The following CDK6 variants were observed in gnomAD, a reference collection of about 807,000 sequenced individuals.
CDK6 encodes cyclin dependent kinase 6, also known as cyclin-dependent kinase 6.
A neutral mutation model predicts 37.1 loss-of-function variants in CDK6; 6 were observed. The observed-to-expected ratio is 0.16, with a 90% CI of 0.09 to 0.32. CDK6 has a LOEUF of 0.32. Among genes scored for constraint, CDK6 ranks in the 10% least tolerant of loss-of-function variants. The pLI is 1.00. For synonymous variants in CDK6, 160 were observed against 161.3 expected, an observed-to-expected ratio of 0.99 and a Z score of 0.06; for missense variants, 224 against 418.9, an observed-to-expected ratio of 0.53 and a Z score of 4.06.
chr7:92,683,014 CAGTAT>C (rs1385835814), intron 4 of CDK6, among the ~76,000 whole-genome samples: 12 of 152,166 alleles, frequency 7.9e-5, no homozygotes, highest in African/African-American at 1.9e-4. Flanking sequence ...TGTAGAAGTA[CAGTAT>C]AGTATAGTTT....
chr7:92,802,300 A>G (rs1800600810), intron 2 of CDK6, among the ~76,000 whole-genome samples: 1 of 152,178 alleles, frequency 6.6e-6, no homozygotes, highest in Non-Finnish European at 1.5e-5. Flanking sequence ...ACTATCAAGT[A>G]TTCTTCAAGG....
At position 92,607,908 on chromosome 7, in the gene CDK6, G is replaced by A; in HGVS notation, c.*7232C>T. 1 of 233,374 alleles carries A rather than the reference G, an allele frequency of 4.3e-6. No individual in the cohort carries two copies. Among genetic ancestry groups the A allele is most frequent in the Non-Finnish European group, 8.5e-6 (1 of 117,926 alleles). The allele number at this position is 233,374 out of a possible 1,614,324, so 14.5% of individuals were successfully genotyped here. ...TGAAAAGATATATCATGCACTGTGA[G>A]GTTTAAGAAATGTATTACTGCTGGG... On this transcript the variant is annotated 3_prime_UTR_variant, in exon 8 of 8. Coordinates refer to ENST00000424848, the MANE Select transcript of CDK6 (RefSeq NM_001145306.2).
intron 4 of CDK6, among the ~76,000 whole-genome samples, chr7:92,685,801 T>A (rs1797438572): frequency 6.6e-6 from 1 of 152,242 alleles, no homozygotes; most frequent in Non-Finnish European, 1.5e-5. Flanking sequence ...CCCTCTGTTT[T>A]AATCTTTACA....
chr7:92,667,708 T>C (rs1796990348), intron 5 of CDK6, among the ~76,000 whole-genome samples: 3 of 151,918 alleles, frequency 2.0e-5, no homozygotes, highest in African/African-American at 7.3e-5. Flanking sequence ...CACACCACCA[T>C]GTCTGGTTAA....
intron 6 of CDK6, among the ~76,000 whole-genome samples, chr7:92,618,853 A>G (rs1418092763): frequency 6.6e-6 from 1 of 152,196 alleles, no homozygotes; most frequent in Non-Finnish European, 1.5e-5. Flanking sequence ...TATTATTTAT[A>G]TTTCCCCTGA....
intron 2 of CDK6, among the ~76,000 whole-genome samples, chr7:92,821,429 G>T (rs1304983395): frequency 6.6e-6 from 1 of 152,016 alleles, no homozygotes; most frequent in Non-Finnish European, 1.5e-5. Flanking sequence ...TAAGATAATG[G>T]TTGTTTTAAG....
chr7:92,746,419 T>A (rs1434911841), intron 3 of CDK6, among the ~76,000 whole-genome samples: 1 of 152,148 alleles, frequency 6.6e-6, no homozygotes, highest in Non-Finnish European at 1.5e-5. Flanking sequence ...AATGCCAACA[T>A]GATGTCACAA....
Position 92,835,106 on chromosome 7 carries a change from G to T in CDK6, c.-368+1372C>A, listed in dbSNP as rs2116043564. The T allele has an allele frequency of 6.6e-6, 1 of 152,362 alleles. No individual in the cohort carries two copies. Among genetic ancestry groups the T allele is most frequent in the South Asian group, 2.1e-4 (1 of 4,826 alleles). 9.4% of individuals were successfully genotyped at this position (152,362 alleles called of 1,614,324 possible). ...GCGACCCCCACGATGAGCGGGTGGA[G>T]CGGACCGCGGCGAGAGCAGAGCTTC... is the stretch of plus-strand genomic sequence containing the variant. On this transcript the variant is annotated intron_variant, in intron 1 of 7. Coordinates refer to ENST00000424848, the MANE Select transcript of CDK6 (RefSeq NM_001145306.2). The surrounding 1 kb of genome is among the most constrained non-coding windows in gnomAD (Gnocchi z 4.2).
At chr7:92,734,754 G>T (rs1337655812) in intron 3 of CDK6, among the ~76,000 whole-genome samples, 1 of 152,188 alleles carries the variant, frequency 6.6e-6, no homozygotes, top group Non-Finnish European at 1.5e-5. Context: ...GACAAAAGAG[G>T]CATGGCATAT....
In CDK6 at chr7:92,738,378, G is replaced by A. The variant is rs533744147; in HGVS notation, c.370-12585C>T. Among the ~76,000 whole-genome samples the A allele has an allele frequency of 8.3e-4, 127 of 152,220 alleles. 1 individual carries two copies. The highest frequency in any genetic ancestry group is 2.8e-3 in the African/African-American group (116 of 41,556). On this transcript the variant is annotated intron_variant, in intron 3 of 7. Transcript: ENST00000424848. ...ATCACAGGCCAGCACAGTGGCTCAC[G>A]TCTGTAATCCCAGCACTTTGGGAGG...
At position 92,833,930 on chromosome 7, in the gene CDK6, C is replaced by T; in HGVS notation, c.-367-240G>A. 2.5e-6 allele frequency: 1 copy of T among 398,772 alleles called. No homozygotes were observed. Among genetic ancestry groups the T allele is most frequent in the South Asian group, 1.3e-4 (1 of 7,886 alleles). 24.7% of individuals were successfully genotyped at this position (398,772 alleles called of 1,614,324 possible). A position where few individuals can be genotyped will look rare whatever the true frequency, so the allele number is the denominator to read the frequency against. On this transcript the variant is annotated intron_variant, in intron 1 of 7. Coordinates refer to ENST00000424848, the MANE Select transcript of CDK6 (RefSeq NM_001145306.2). This position sits in a 1 kb window ranked among gnomAD's most constrained non-coding sequence, Gnocchi z 6.1. ...GCGCGGAGAGGTTGCAGGGGCCCCT[C>T]GGGGATGAGCGAGCGGCGCGGGACG... is the stretch of plus-strand genomic sequence containing the variant.
At chr7:92,733,127 C>A (rs1466896613) in intron 3 of CDK6, among the ~76,000 whole-genome samples, 2 of 152,202 alleles carry the variant, frequency 1.3e-5, no homozygotes, top group Non-Finnish European at 2.9e-5. Flanking sequence ...TTTATAGCCA[C>A]CATGATTCAC....
intron 5 of CDK6, among the ~76,000 whole-genome samples, chr7:92,633,288 C>G (rs1046622552): frequency 6.6e-6 from 1 of 152,112 alleles, no homozygotes; most frequent in Admixed American, 6.6e-5. Flanking sequence ...GATAACTCAA[C>G]AATTTGGTAC....
intron 4 of CDK6, among the ~76,000 whole-genome samples, chr7:92,694,423 CTGTTCACAG>C (rs1352118843): frequency 1.1e-4 from 16 of 152,196 alleles, no homozygotes; most frequent in African/African-American, 3.9e-4. Flanking sequence ...GTCAGTGATG[CTGTTCACAG>C]AAACTTGACA....
chr7:92,783,329 A>C (rs187685230), intron 2 of CDK6, among the ~76,000 whole-genome samples: 1 of 152,352 alleles, frequency 6.6e-6, no homozygotes, highest in East Asian at 1.9e-4. Flanking sequence ...GCCTTCAATT[A>C]AACAACCCCT....
At chr7:92,760,477 G>C (rs1355770132) in intron 3 of CDK6, among the ~76,000 whole-genome samples, 1 of 152,116 alleles carries the variant, frequency 6.6e-6, no homozygotes, top group Non-Finnish European at 1.5e-5. Flanking sequence ...TAAAGATTCA[G>C]ATGTGAGAAC....
chr7:92,832,958 TA>T, intron 2 of CDK6, 132 bp downstream of exon 2: 1 of 655,576 alleles, frequency 1.5e-6, no homozygotes, highest in Non-Finnish European at 2.6e-6. Context: ...TCTCACTCTG[TA>T]AGACCAACAG....
chr7:92,735,711 G>GA (rs1296163882), intron 3 of CDK6, among the ~76,000 whole-genome samples: 6 of 152,174 alleles, frequency 3.9e-5, no homozygotes, highest in African/African-American at 1.4e-4. Context: ...TTGATTGGAT[G>GA]AATCACCCAA....
chr7:92,791,904 A>C (rs1216232575), intron 2 of CDK6, among the ~76,000 whole-genome samples: 1 of 152,182 alleles, frequency 6.6e-6, no homozygotes, highest in African/African-American at 2.4e-5. Flanking sequence ...GAGCTGGAAA[A>C]GTACACAGAA....
Sources: gnomAD v4.1 joint callset for allele counts (sites outside exome capture counted in the v4.1 genomes callset) on GRCh38, gnomAD v4.1.1 for gene constraint, Gnocchi (gnomAD v3.1) non-coding constraint, MANE v1.5 for transcripts, NCBI Gene and HGNC (gene_info 2026-07-23, HGNC 2026-07-21) for gene names.